The following CASK variants were observed in gnomAD, a reference collection of about 807,000 sequenced individuals.
CASK encodes the protein peripheral plasma membrane protein CASK.
A neutral mutation model predicts 82.9 loss-of-function variants in CASK; 4 were observed. The ratio of observed to expected loss-of-function variants is 0.05; its 90% CI spans 0.02 to 0.11. The LOEUF (loss-of-function observed/expected upper bound fraction) is 0.11, where lower values mean the gene tolerates loss of function less well. CASK is among the 10% of genes least tolerant of loss of function. CASK has a pLI of 1.00. For synonymous variants in CASK, 259 were observed against 253.5 expected (o/e 1.02, Z -0.20); for missense variants, 358 against 720.9 (o/e 0.50, Z 5.76).
intron 8 of CASK, among the ~76,000 whole-genome samples, chrX:41,650,768 T>A (rs1286490487): frequency 1.8e-5 from 2 of 110,536 alleles, no homozygotes; most frequent in Non-Finnish European, 3.8e-5. Context: ...ATTTCTTCAA[T>A]TTGCAAGGTA....
chrX:41,906,509 T>C (rs1471709464), intron 1 of CASK, among the ~76,000 whole-genome samples: 5 of 112,340 alleles, frequency 4.5e-5, no homozygotes, highest in Non-Finnish European at 9.4e-5. Context: ...TGGCAGAACT[T>C]TTCTACAGCA....
chrX:41,635,908 T>G (rs1203174448), intron 9 of CASK: 1 of 95,242 alleles, frequency 1.0e-5, no homozygotes, highest in African/African-American at 3.9e-5. Context: ...TTTTTTTTTT[T>G]TTTTTGAGAT....
At chrX:41,682,610 A>T (rs751217432) in intron 5 of CASK, among the ~76,000 whole-genome samples, 252 of 95,998 alleles carry the variant, frequency 2.6e-3, no homozygotes, top group African/African-American at 7.9e-3. Context: ...AGTTTGATAA[A>T]TTTTTTTTTT....
rs1326179297 is a variant in CASK, at chrX:41,910,800, C to T, written c.59+12130G>A. ...CCCTCTCCAGATACCCACACTCCTT[C>T]TGCAATGATAATGAATAGATATTTT... On this transcript the variant is annotated intron_variant, in intron 1 of 26. Transcript: ENST00000378163. Among the ~76,000 whole-genome samples, 4 of 112,342 alleles carry T rather than the reference C, an allele frequency of 3.6e-5. No homozygotes were observed. In the Admixed American group the frequency reaches 3.8e-4, roughly 11 times the overall value.
Position 41,693,042 on chromosome X carries a change from C to T in CASK, c.430-21512G>A, listed in dbSNP as rs111390539. Among the ~76,000 whole-genome samples, 1,100 of 111,345 alleles carry T rather than the reference C, an allele frequency of 9.9e-3. 11 individuals carry two copies. The highest frequency in any genetic ancestry group is 0.033 in the African/African-American group (1,022 of 30,617). Reference sequence around the variant, plus strand: ...GAACAAAATTGACTTGGTTCTTAATCCTAATGGAACTTAAATTCTAACATG... The same window carrying T: ...GAACAAAATTGACTTGGTTCTTAATTCTAATGGAACTTAAATTCTAACATG... On this transcript the variant is annotated intron_variant, in intron 5 of 26. Transcript: ENST00000378163.
intron 5 of CASK, among the ~76,000 whole-genome samples, chrX:41,733,294 G>C (rs186735322): frequency 9.0e-6 from 1 of 110,612 alleles, no homozygotes; most frequent in Admixed American, 9.6e-5. Context: ...GCAAAGAGAA[G>C]TATAGCAGTT....
At chrX:41,537,705 C>T (rs887664029) in intron 22 of CASK, among the ~76,000 whole-genome samples, 35 of 109,904 alleles carry the variant, frequency 3.2e-4, no homozygotes, top group Admixed American at 7.8e-4. Flanking sequence ...GACATTTTAT[C>T]GAGAATAGTT....
intron 1 of CASK, among the ~76,000 whole-genome samples, chrX:41,855,458 C>T (rs1215991268): frequency 9.0e-6 from 1 of 111,497 alleles, no homozygotes; most frequent in Non-Finnish European, 1.9e-5. Flanking sequence ...CGATTTAACC[C>T]ATTAACTGGA....
intron 2 of CASK, among the ~76,000 whole-genome samples, chrX:41,810,917 G>A (rs1158186445): frequency 9.0e-6 from 1 of 111,262 alleles, no homozygotes. Flanking sequence ...ACAAAAAAAG[G>A]CAGGGGTTGC....
rs144231610 is a variant in CASK at position 41,534,138 on chromosome X, G to A, written c.2317+568C>T. 8.8e-4 allele frequency among the ~76,000 whole-genome samples: 97 copies of A among 110,568 alleles called. 2 individuals carry two copies. The East Asian group carries it at 0.024, about 27-fold the overall frequency. On this transcript the variant is annotated intron_variant, in intron 24 of 26. Transcript: ENST00000378163. ...GGGCAAGAGGTTAAGAATAAGATAC[G>A]GAAAATAAGGAGAATTAAAAATCTT...
chrX:41,750,404 C>T (rs2068766562), intron 3 of CASK, among the ~76,000 whole-genome samples: 1 of 111,622 alleles, frequency 9.0e-6, no homozygotes, highest in African/African-American at 3.3e-5. Context: ...TTGCTCTTCT[C>T]TTTGGCTTCC....
intron 8 of CASK, among the ~76,000 whole-genome samples, chrX:41,640,846 G>A (rs957357599): frequency 1.2e-4 from 13 of 111,299 alleles, no homozygotes; most frequent in African/African-American, 4.2e-4. Flanking sequence ...CTAAGGTGAT[G>A]TGGAAAGAGA....
At chrX:41,854,209 C>T (rs776057274) in intron 1 of CASK, among the ~76,000 whole-genome samples, 2 of 88,208 alleles carry the variant, frequency 2.3e-5, no homozygotes, top group Admixed American at 1.3e-4. Context: ...AACATGCGCG[C>T]GCGCGCGGGC....
intron 9 of CASK, among the ~76,000 whole-genome samples, chrX:41,627,832 G>A (rs770563029): frequency 3.9e-4 from 43 of 111,510 alleles, no homozygotes; most frequent in Admixed American, 2.1e-3. Context: ...GAGAAACCCC[G>A]TCTCTACTAA....
In CASK at chrX:41,524,037, G is replaced by A; in HGVS notation, c.2521-3C>T. 9.0e-7 allele frequency: 1 copy of A among 1,107,204 alleles called. No homozygotes were observed. Among genetic ancestry groups the A allele is most frequent in the Non-Finnish European group, 1.2e-6 (1 of 817,379 alleles). The allele number at this position is 1,107,204 out of a possible 1,213,427, so 91.2% of individuals were successfully genotyped here. A position where few individuals can be genotyped will look rare whatever the true frequency, so the allele number is the denominator to read the frequency against. ...GCAGTTCTCAGGACCTTCAGTGCCTGTGTTAAGAAAAAAAAAAAAAATCCC... is the reference window on the plus strand; with the variant it reads ...GCAGTTCTCAGGACCTTCAGTGCCTATGTTAAGAAAAAAAAAAAAAATCCC... On this transcript the variant is annotated splice_region_variant and splice_polypyrimidine_tract_variant and intron_variant, in intron 25 of 26. Transcript: ENST00000378163.
chrX:41,843,417 A>ATT (rs2071086681), intron 2 of CASK, among the ~76,000 whole-genome samples: 1 of 111,549 alleles, frequency 9.0e-6, no homozygotes, highest in Non-Finnish European at 1.9e-5. Context: ...TGAGATGATC[A>ATT]TGTGGACTGT....
intron 12 of CASK, 162 bp from the exon 13 acceptor site, chrX:41,589,754 A>G: frequency 2.2e-6 from 1 of 452,244 alleles, no homozygotes; most frequent in East Asian, 3.9e-5. Context: ...GTTCTGTGAA[A>G]CTTGTCAGAA....
At chrX:41,585,806 A>G (rs1217183860) in intron 14 of CASK, 1 of 110,227 alleles carries the variant, frequency 9.1e-6, no homozygotes, top group African/African-American at 3.3e-5. Context: ...CATATATATA[A>G]TAACTCACAG....
At chrX:41,856,912 G>A (rs769121150) in intron 1 of CASK, among the ~76,000 whole-genome samples, 19 of 110,646 alleles carry the variant, frequency 1.7e-4, no homozygotes, top group South Asian at 3.9e-4. Flanking sequence ...TACACTGAAC[G>A]CAGACAGCCC....
Sources: gnomAD v4.1 joint callset for allele counts (sites outside exome capture counted in the v4.1 genomes callset) on GRCh38, gnomAD v4.1.1 for gene constraint, MANE v1.5 for transcripts, NCBI Gene and HGNC (gene_info 2026-07-23, HGNC 2026-07-21) for gene names.